The following ZFHX3 variants were observed in gnomAD, a reference collection of about 807,000 sequenced individuals.
ZFHX3 encodes the protein zinc finger homeobox 3.
ZFHX3 carries 42 observed loss-of-function variants against 279.1 expected under a neutral mutation model. The ratio of observed to expected loss-of-function variants is 0.15; its 90% CI spans 0.12 to 0.19. ZFHX3 has a LOEUF of 0.19. ZFHX3 is among the 10% of genes least tolerant of loss of function. The pLI is 1.00. For missense variants in ZFHX3, 4,981 were observed against 4,754.0 expected (o/e 1.05, Z -1.40); for synonymous variants, 2,293 against 1,957.8 (o/e 1.17, Z -4.52).
At chr16:72,903,143 C>G (rs1284608741) in intron 3 of ZFHX3, among the ~76,000 whole-genome samples, 1 of 152,144 alleles carries the variant, frequency 6.6e-6, no homozygotes, top group African/African-American at 2.4e-5. Flanking sequence ...TTTGTTCCTG[C>G]TGCGAGAGTT....
intron 4 of ZFHX3, among the ~76,000 whole-genome samples, chr16:72,884,640 G>A (rs1324697375): frequency 6.6e-6 from 1 of 152,212 alleles, no homozygotes; most frequent in Non-Finnish European, 1.5e-5. Flanking sequence ...AGGAGGAGGA[G>A]AAGGAGAAAG....
chr16:73,817,916 G>T (rs191954960), intron 1 of ZFHX3, among the ~76,000 whole-genome samples: 1 of 152,264 alleles, frequency 6.6e-6, no homozygotes, highest in Admixed American at 6.5e-5. Context: ...AAGTGCCAAG[G>T]GTTACCATTC....
intron 3 of ZFHX3, among the ~76,000 whole-genome samples, chr16:72,937,711 T>C (rs1960197369): frequency 6.6e-6 from 1 of 152,182 alleles, no homozygotes; most frequent in Non-Finnish European, 1.5e-5. Context: ...TTCCATCCTC[T>C]CTGTTCCACT....
At chr16:73,548,668 C>G (rs2020160456) in intron 2 of ZFHX3, among the ~76,000 whole-genome samples, 1 of 151,814 alleles carries the variant, frequency 6.6e-6, no homozygotes, top group Non-Finnish European at 1.5e-5. Flanking sequence ...AAATAACACA[C>G]AGAAACATGG....
chr16:73,555,395 C>G (rs1294985239), intron 2 of ZFHX3, among the ~76,000 whole-genome samples: 1 of 152,002 alleles, frequency 6.6e-6, no homozygotes, highest in African/African-American at 2.4e-5. Context: ...ACCTCGTGAT[C>G]CGCCTGCCTC....
At chr16:72,860,843 C>T (rs768224741) in intron 4 of ZFHX3, among the ~76,000 whole-genome samples, 24 of 152,206 alleles carry the variant, frequency 1.6e-4, no homozygotes, top group Admixed American at 7.9e-4. Context: ...TGTCCTTTCT[C>T]GATCTTTGCG....
chr16:72,811,426 G>T, intron 7 of ZFHX3, 151 bp downstream of exon 7: 1 of 882,984 alleles, frequency 1.1e-6, no homozygotes, highest in Non-Finnish European at 1.7e-6. Flanking sequence ...GGCAGGGATA[G>T]TACAACAAAG....
intron 1 of ZFHX3, among the ~76,000 whole-genome samples, chr16:72,967,870 G>A (rs1421779178): frequency 6.6e-6 from 1 of 150,746 alleles, no homozygotes; most frequent in African/African-American, 2.4e-5. Flanking sequence ...ACAACTTGCA[G>A]TGAGCCGAGA....
intron 3 of ZFHX3, among the ~76,000 whole-genome samples, chr16:73,343,222 T>G (rs1019613009): frequency 2.6e-5 from 4 of 152,112 alleles, no homozygotes; most frequent in Admixed American, 2.6e-4. Context: ...TTCATATATA[T>G]GTGTGTGTGT....
chr16:73,155,509 T>A (rs550368375), intron 5 of ZFHX3, among the ~76,000 whole-genome samples: 1 of 152,256 alleles, frequency 6.6e-6, no homozygotes, highest in Non-Finnish European at 1.5e-5. Flanking sequence ...GCTAGTGATA[T>A]AATGACACAA....
chr16:73,194,237 T>C (rs1968098344), intron 5 of ZFHX3, among the ~76,000 whole-genome samples: 1 of 152,188 alleles, frequency 6.6e-6, no homozygotes, highest in African/African-American at 2.4e-5. Context: ...TCTCATTTTG[T>C]CACCCAGGCT....
chr16:73,528,449 C>T (rs2019733095), intron 2 of ZFHX3, among the ~76,000 whole-genome samples: 2 of 152,056 alleles, frequency 1.3e-5, no homozygotes, highest in South Asian at 2.1e-4. Context: ...GCAAAAACAC[C>T]GTAAGAGGTA....
At chr16:73,419,405 A>G (rs911668500) in intron 3 of ZFHX3, among the ~76,000 whole-genome samples, 2 of 152,168 alleles carry the variant, frequency 1.3e-5, no homozygotes, top group Admixed American at 6.5e-5. Context: ...AGAAGTCAAC[A>G]CTGACTGTAT....
In ZFHX3 at chr16:73,569,383, T is replaced by C. The variant is rs1349056212; in HGVS notation, c.-1547+110797A>G. 8.5e-4 allele frequency among the ~76,000 whole-genome samples: 102 copies of C among 119,706 alleles called. 1 individual carries two copies. The highest frequency in any genetic ancestry group is 2.3e-4 in the Non-Finnish European group (13 of 57,410). 78.5% of individuals were successfully genotyped at this position (119,706 alleles called of 152,430 possible). A position where few individuals can be genotyped will look rare whatever the true frequency, so the allele number is the denominator to read the frequency against. ...TTAATCCTATTAAGATCATGGCTGC[T>C]TTTTTTTTTTTTTAATTTCTCTCCC... On this transcript the variant is annotated intron_variant, in intron 2 of 17. Coordinates refer to the ZFHX3 transcript ENST00000641206.
intron 2 of ZFHX3, among the ~76,000 whole-genome samples, chr16:73,532,527 G>A (rs2019823922): frequency 6.6e-6 from 1 of 152,136 alleles, no homozygotes; most frequent in African/African-American, 2.4e-5. Flanking sequence ...GCAGAAATCA[G>A]TCATTCATTA....
chr16:73,296,851 C>T (rs1239115311), intron 4 of ZFHX3, among the ~76,000 whole-genome samples: 3 of 145,806 alleles, frequency 2.1e-5, no homozygotes, highest in Admixed American at 6.8e-5. Flanking sequence ...CTCTCATTTA[C>T]TTTATAATTG....
At chr16:72,981,719 G>A (rs902727432) in intron 1 of ZFHX3, among the ~76,000 whole-genome samples, 10 of 151,914 alleles carry the variant, frequency 6.6e-5, no homozygotes, top group African/African-American at 1.7e-4. Flanking sequence ...ACTTCAATAC[G>A]CATCACCATG....
At chr16:73,071,953 C>G (rs1449416569) in intron 8 of ZFHX3, among the ~76,000 whole-genome samples, 4 of 152,202 alleles carry the variant, frequency 2.6e-5, no homozygotes, top group Non-Finnish European at 5.9e-5. Flanking sequence ...ACCTCCCACC[C>G]TAGGCTGTTC....
intron 2 of ZFHX3, among the ~76,000 whole-genome samples, chr16:73,502,409 T>C (rs972773184): frequency 6.6e-6 from 1 of 152,236 alleles, no homozygotes; most frequent in Admixed American, 6.5e-5. Context: ...GCCCCAGTAA[T>C]TGACCACAAT....
Sources: gnomAD v4.1 joint callset for allele counts (sites outside exome capture counted in the v4.1 genomes callset) on GRCh38, gnomAD v4.1.1 for gene constraint, MANE v1.5 for transcripts, NCBI Gene and HGNC (gene_info 2026-07-23, HGNC 2026-07-21) for gene names.